The following GPN3 variants were observed in gnomAD, a reference collection of about 807,000 sequenced individuals.
The protein encoded by GPN3 is ATP-binding domain 1 family member C.
A neutral mutation model predicts 38.7 loss-of-function variants in GPN3; 31 were observed. The ratio of observed to expected loss-of-function variants is 0.80; its 90% confidence interval spans 0.60 to 1.08. The LOEUF (loss-of-function observed/expected upper bound fraction) is 1.08, where lower values mean the gene tolerates loss of function less well. Among genes scored for constraint, GPN3 ranks in the 50% least tolerant of loss-of-function variants. The pLI is 0.00. For missense variants in GPN3, 301 were observed against 354.4 expected (o/e 0.85, Z 1.21); for synonymous variants, 116 against 120.2 (o/e 0.96, Z 0.23).
In GPN3 at chr12:110,453,165, T is replaced by C. The variant is rs181742521; in HGVS notation, c.793-69A>G. The stretch of plus-strand genomic sequence containing the variant: ...CTCAGTCAGAACTAGTATGTGTTTA[T>C]ATATTTTTCAGGTAATACCCTATGT... On this transcript the variant is annotated intron_variant, in intron 7 of 7. Transcript: ENST00000228827. 318 of 783,074 alleles carry C rather than the reference T, an allele frequency of 4.1e-4. 1 individual carries two copies. In the African/African-American group the frequency reaches 4.7e-3, roughly 12 times the overall value. The allele number at this position is 783,074 out of a possible 1,614,324, so 48.5% of individuals were successfully genotyped here. A position where few individuals can be genotyped will look rare whatever the true frequency, so the allele number is the denominator to read the frequency against.
chr12:110,459,443 T>C (rs577506887), intron 3 of GPN3, among the ~76,000 whole-genome samples: 50 of 152,260 alleles, frequency 3.3e-4, no homozygotes, highest in African/African-American at 1.1e-3. Context: ...GGTTTCACCA[T>C]GTTAGCCAGG....
chr12:110,452,716 A>G lies in GPN3; in HGVS notation c.*318T>C. 1 of 245,678 alleles carries G rather than the reference A, an allele frequency of 4.1e-6. No individual in the cohort carries two copies. Among genetic ancestry groups the G allele is most frequent in the South Asian group, 4.6e-5 (1 of 21,978 alleles). The allele number at this position is 245,678 out of a possible 1,614,324, so 15.2% of individuals were successfully genotyped here. A position where few individuals can be genotyped will look rare whatever the true frequency, so the allele number is the denominator to read the frequency against. ...CAGTAATTCCTGCATCTCAAAAATAATACAAAAAGTGAAAATAAGTTTAGA... is the reference window on the plus strand; with the variant it reads ...CAGTAATTCCTGCATCTCAAAAATAGTACAAAAAGTGAAAATAAGTTTAGA... On this transcript the variant is annotated 3_prime_UTR_variant, in exon 8 of 8. Transcript: ENST00000228827.
At chr12:110,468,529 CG>C, upstream of GPN3, 1 of 1,537,286 alleles carries the variant, frequency 6.5e-7, no homozygotes, top group Non-Finnish European at 8.7e-7. Context: ...TGCTTCGGTC[CG>C]TGGTTTGCGT....
chr12:110,458,072 C>T lies in GPN3; in HGVS notation c.326-438G>A, dbSNP rs550281398. On this transcript the variant is annotated intron_variant, in intron 3 of 7. Transcript: ENST00000228827. This position sits in a 1 kb window ranked among gnomAD's most constrained non-coding sequence, Gnocchi z 4.4. The stretch of plus-strand genomic sequence containing the variant: ...AGGAGGCTGCAGTGAGCCAAGATCA[C>T]GCCACTGCACTCCAGCCTGGGCGAC... Among the ~76,000 whole-genome samples, 8 of 152,038 alleles carry T rather than the reference C, an allele frequency of 5.3e-5. No individual in the cohort carries two copies. The South Asian group carries it at 6.2e-4, about 12-fold the overall frequency.
At chr12:110,467,440 T>C (rs988059416) in intron 1 of GPN3, among the ~76,000 whole-genome samples, 3 of 152,186 alleles carry the variant, frequency 2.0e-5, no homozygotes, top group African/African-American at 7.2e-5. Context: ...AACGTGAAAT[T>C]AGACATAAAA....
intron 2 of GPN3, among the ~76,000 whole-genome samples, chr12:110,462,938 A>G (rs2062600746): frequency 1.3e-5 from 2 of 151,640 alleles, no homozygotes; most frequent in African/African-American, 4.8e-5. Flanking sequence ...TTGTATTTTT[A>G]GTAGAGACGG....
chr12:110,457,395 T>C (rs566243281), intron 4 of GPN3, 115 bp downstream of exon 4: 1 of 741,472 alleles, frequency 1.3e-6, no homozygotes, highest in African/African-American at 2.0e-5. Context: ...GAGGTTGCAG[T>C]GAGCTGAGAT....
chr12:110,453,189 G>C, intron 7 of GPN3, 93 bp from the exon 8 acceptor site: 1 of 641,774 alleles, frequency 1.6e-6, no homozygotes, highest in Non-Finnish European at 2.8e-6. Flanking sequence ...AATACCCTAT[G>C]TGGAACTAAT....
At chr12:110,453,343 C>T (rs1041802656) in intron 7 of GPN3, among the ~76,000 whole-genome samples, 11 of 152,044 alleles carry the variant, frequency 7.2e-5, no homozygotes, top group Non-Finnish European at 2.9e-5. Context: ...ACATTCAAGA[C>T]GATTCTTGGC....
chr12:110,457,958 T>A (rs2062561906), intron 3 of GPN3, among the ~76,000 whole-genome samples: 3 of 151,626 alleles, frequency 2.0e-5, no homozygotes, highest in Non-Finnish European at 4.4e-5. Flanking sequence ...TGAAACCCCA[T>A]CTCTACTAAA....
upstream of GPN3, chr12:110,468,446 T>C (rs1376860236): frequency 2.6e-6 from 4 of 1,535,232 alleles, no homozygotes; most frequent in African/African-American, 4.1e-5. Context: ...AAATCGGCCG[T>C]TGGGATGCTG....
chr12:110,467,680 G>C (rs1161509647), intron 1 of GPN3, among the ~76,000 whole-genome samples: 1 of 151,944 alleles, frequency 6.6e-6, no homozygotes, highest in Non-Finnish European at 1.5e-5. Context: ...TGGGGTCCAT[G>C]TACCACCTAC....
intron 2 of GPN3, among the ~76,000 whole-genome samples, 166 bp from the exon 3 acceptor site, chr12:110,460,028 G>A (rs1308799883): frequency 6.6e-6 from 1 of 152,146 alleles, no homozygotes; most frequent in Non-Finnish European, 1.5e-5. Flanking sequence ...AGAGAACTGA[G>A]CAAATAAATT....
chr12:110,459,241 T>G (rs551948920), intron 3 of GPN3, among the ~76,000 whole-genome samples: 18 of 105,496 alleles, frequency 1.7e-4, no homozygotes, highest in Non-Finnish European at 2.8e-4. Flanking sequence ...CTTTTTTTTG[T>G]TTTTTTTTTT....
At chr12:110,462,645 T>TGGTACG (rs2062597448) in intron 2 of GPN3, among the ~76,000 whole-genome samples, 1 of 152,176 alleles carries the variant, frequency 6.6e-6, no homozygotes. Context: ...TGGAGTGCAA[T>TGGTACG]GGTACGATCT....
chr12:110,466,439 C>T (rs1371732464), intron 1 of GPN3, among the ~76,000 whole-genome samples: 2 of 152,040 alleles, frequency 1.3e-5, no homozygotes, highest in African/African-American at 4.8e-5. Context: ...TCATGCTGTC[C>T]TCTCAGTGCC....
At chr12:110,468,574 T>C (rs1317726714), upstream of GPN3, 1 of 1,537,136 alleles carries the variant, frequency 6.5e-7, no homozygotes, top group Non-Finnish European at 8.7e-7. Context: ...ACCCTCGCGA[T>C]TTGCAAATGT....
In GPN3 at chr12:110,459,876, A is replaced by G; in HGVS notation, c.158-14T>C. 3.1e-6 allele frequency: 5 copies of G among 1,610,118 alleles called. No homozygotes were observed. The highest frequency in any genetic ancestry group is 4.2e-6 in the Non-Finnish European group (5 of 1,176,484). ...GTTCCCGGATGTCTGAAAAGGACAG[A>G]TAGGGCCCAGAATATATGTGTCCCT... On this transcript the variant is annotated splice_polypyrimidine_tract_variant and intron_variant, in intron 2 of 7. Coordinates refer to ENST00000228827, the MANE Select transcript of GPN3 (RefSeq NM_016301.4).
rs763626311 is a variant in GPN3 at position 110,459,781 on chromosome 12, C to T, written c.239G>A (p.Cys80Tyr). ...AAAATTATTGGCAAAGTACTCCATG[C>T]AAAATACCAATCCTCCGTTGGGACC... ...RFGPNGGLVFCMEYFANNFDW... is the reference protein window; with the variant it reads ...RFGPNGGLVFYMEYFANNFDW... The change falls in exon 3 of 8, where the codon TGC becomes TAC. Residue 80 changes from cysteine (C) to tyrosine (Y), a missense_variant. Transcript: ENST00000228827. 1 of 1,612,938 alleles carries T rather than the reference C, an allele frequency of 6.2e-7. No individual in the cohort carries two copies. Among genetic ancestry groups the T allele is most frequent in the South Asian group, 1.1e-5 (1 of 91,062 alleles).
Sources: allele counts gnomAD v4.1 joint callset (sites outside exome capture counted in the v4.1 genomes callset), GRCh38; gene constraint gnomAD v4.1.1; non-coding constraint Gnocchi (gnomAD v3.1); transcripts MANE v1.5; gene names NCBI Gene and HGNC (gene_info 2026-07-23, HGNC 2026-07-21).